Variants in EFNB2 observed in about 807,000 individuals in gnomAD.
EFNB2 encodes ephrin-B2.
In EFNB2, 5 loss-of-function variants were observed where a neutral mutation model predicts 32.1. That is an observed-to-expected ratio of 0.16 (90% CI 0.08 to 0.33). The LOEUF is 0.33. Ranked by LOEUF, EFNB2 falls within the 10% of genes least tolerant of loss-of-function variation. EFNB2 has a pLI of 1.00. For synonymous variants in EFNB2, 168 were observed against 166.5 expected (o/e 1.01, Z -0.07); for missense variants, 263 against 422.6 (o/e 0.62, Z 3.31).
In EFNB2 at chr13:106,494,999, A is replaced by G; in HGVS notation, c.500-5T>C. 2 of 1,611,178 alleles carry G rather than the reference A, an allele frequency of 1.2e-6. No homozygotes were observed. Among genetic ancestry groups the G allele is most frequent in the Non-Finnish European group, 1.7e-6 (2 of 1,177,316 alleles). ...TTGATCCAGCAGAACTTGCATCTATATGAAAAACAAATGATTAATTACGGC... is the reference window on the plus strand; with the variant it reads ...TTGATCCAGCAGAACTTGCATCTATGTGAAAAACAAATGATTAATTACGGC... On this transcript the variant is annotated splice_polypyrimidine_tract_variant and splice_region_variant and intron_variant, in intron 3 of 4. Coordinates refer to ENST00000646441, the MANE Select transcript of EFNB2 (RefSeq NM_004093.4).
intron 2 of EFNB2, among the ~76,000 whole-genome samples, chr13:106,501,828 G>A (rs1433969397): frequency 2.6e-5 from 4 of 152,068 alleles, no homozygotes; most frequent in South Asian, 2.1e-4. Flanking sequence ...TCCTGACCTC[G>A]TGATCCGCCC....
intron 2 of EFNB2, among the ~76,000 whole-genome samples, chr13:106,502,882 T>C (rs1046499280): frequency 9.2e-5 from 14 of 152,144 alleles, no homozygotes; most frequent in Admixed American, 1.3e-4. Context: ...TGTGCGTGTC[T>C]ACATGTGTGT....
chr13:106,533,242 G>C (rs1254746223), intron 1 of EFNB2, among the ~76,000 whole-genome samples: 2 of 150,784 alleles, frequency 1.3e-5, no homozygotes, highest in Non-Finnish European at 3.0e-5. Flanking sequence ...GGCGGGCAGC[G>C]GCGCCGCGGG....
At chr13:106,517,135 C>T (rs1879340686) in intron 1 of EFNB2, 1 of 152,192 alleles carries the variant, frequency 6.6e-6, no homozygotes, top group Non-Finnish European at 1.5e-5. Context: ...CAATACACTT[C>T]TCCTATGCTG....
At chr13:106,526,684 C>T (rs1449664060) in intron 1 of EFNB2, among the ~76,000 whole-genome samples, 1 of 152,136 alleles carries the variant, frequency 6.6e-6, no homozygotes, top group African/African-American at 2.4e-5. Flanking sequence ...CACTTTCTAA[C>T]TTCTTCTGCA....
At chr13:106,511,005 A>C (rs1049411424) in intron 2 of EFNB2, among the ~76,000 whole-genome samples, 4 of 152,142 alleles carry the variant, frequency 2.6e-5, no homozygotes, top group African/African-American at 9.7e-5. Context: ...CTCAAAAATA[A>C]AATAAAATAA....
At chr13:106,495,406 A>G (rs889242410) in intron 3 of EFNB2, among the ~76,000 whole-genome samples, 13 of 152,376 alleles carry the variant, frequency 8.5e-5, no homozygotes, top group Middle Eastern at 3.4e-3. Flanking sequence ...AAAACTGCAC[A>G]AGCTTTTAGT....
In EFNB2 at chr13:106,535,092, C is replaced by G; in HGVS notation, c.-128G>C. ...CGTGCGCCCGCAGGCAGCTCCGAGG[C>G]GCGCTGCGCAGCTCCAGCGGTCGCC... is the stretch of plus-strand genomic sequence containing the variant. On this transcript the variant is annotated 5_prime_UTR_variant, in exon 1 of 5. Coordinates refer to ENST00000646441, the MANE Select transcript of EFNB2 (RefSeq NM_004093.4). The G allele has an allele frequency of 2.3e-6, 3 of 1,326,640 alleles. No homozygotes were observed. Among genetic ancestry groups the G allele is most frequent in the Non-Finnish European group, 3.0e-6 (3 of 1,001,440 alleles). The allele number at this position is 1,326,640 out of a possible 1,614,324, so 82.2% of individuals were successfully genotyped here.
chr13:106,499,602 C>A (rs1878705323), intron 2 of EFNB2, among the ~76,000 whole-genome samples: 1 of 152,074 alleles, frequency 6.6e-6, no homozygotes, highest in African/African-American at 2.4e-5. Context: ...AATGCAGCCA[C>A]AATCATAGTA....
chr13:106,535,067 C>A lies in EFNB2; in HGVS notation c.-103G>T. Reference sequence around the variant, plus strand: ...CGGGGCAGACTGGCGGGGAAGACGGCGTGCGCCCGCAGGCAGCTCCGAGGC... The same window carrying A: ...CGGGGCAGACTGGCGGGGAAGACGGAGTGCGCCCGCAGGCAGCTCCGAGGC... On this transcript the variant is annotated 5_prime_UTR_variant, in exon 1 of 5. Transcript: ENST00000646441. The A allele has an allele frequency of 3.4e-6, 5 of 1,491,262 alleles. No individual in the cohort carries two copies. The highest frequency in any genetic ancestry group is 4.5e-6 in the Non-Finnish European group (5 of 1,117,396). The allele number at this position is 1,491,262 out of a possible 1,614,324, so 92.4% of individuals were successfully genotyped here. A position where few individuals can be genotyped will look rare whatever the true frequency, so the allele number is the denominator to read the frequency against.
intron 1 of EFNB2, among the ~76,000 whole-genome samples, chr13:106,522,701 A>G (rs1594175719): frequency 6.6e-6 from 1 of 152,036 alleles, no homozygotes; most frequent in East Asian, 1.9e-4. Context: ...TTTTAACTAC[A>G]AAGAATTTTG....
chr13:106,513,508 T>C lies in EFNB2; in HGVS notation c.123-696A>G, dbSNP rs551569680. On this transcript the variant is annotated intron_variant, in intron 1 of 4. Coordinates refer to ENST00000646441, the MANE Select transcript of EFNB2 (RefSeq NM_004093.4). ...TACTGTCCCTGCCCTATAAATCTTT[T>C]TTTTTCTTCCCTTGAGATGTATTTG... Among the ~76,000 whole-genome samples the C allele has an allele frequency of 1.4e-4, 22 of 152,316 alleles. No individual in the cohort carries two copies. In the South Asian group the frequency reaches 4.6e-3, roughly 32 times the overall value.
intron 1 of EFNB2, among the ~76,000 whole-genome samples, chr13:106,523,075 T>C (rs1313857833): frequency 6.6e-6 from 1 of 152,172 alleles, no homozygotes; most frequent in Non-Finnish European, 1.5e-5. Context: ...ACCTCCTTCC[T>C]GGGCTTCAGA....
intron 1 of EFNB2, among the ~76,000 whole-genome samples, chr13:106,530,276 AAGGGGGG>A (rs1303154055): frequency 1.3e-5 from 2 of 152,112 alleles, no homozygotes; most frequent in Non-Finnish European, 2.9e-5. Flanking sequence ...CCTTAAAAAG[AAGGGGGG>A]AGCTGTTCCC....
intron 2 of EFNB2, among the ~76,000 whole-genome samples, chr13:106,501,624 G>T (rs575424387): frequency 1.3e-5 from 2 of 148,994 alleles, no homozygotes. Context: ...ACGGAGTCTC[G>T]CTCTGTCACC....
chr13:106,495,481 A>G (rs1878556266), intron 3 of EFNB2, among the ~76,000 whole-genome samples: 1 of 141,768 alleles, frequency 7.1e-6, no homozygotes. Flanking sequence ...ATATCTATCT[A>G]TCTATCTATC....
At chr13:106,500,568 G>A (rs1268583488) in intron 2 of EFNB2, among the ~76,000 whole-genome samples, 1 of 152,170 alleles carries the variant, frequency 6.6e-6, no homozygotes, top group East Asian at 1.9e-4. Flanking sequence ...GACATGATAA[G>A]CATCCAGGGT....
chr13:106,533,745 T>C (rs1337860959), intron 1 of EFNB2, among the ~76,000 whole-genome samples: 1 of 152,150 alleles, frequency 6.6e-6, no homozygotes, highest in Non-Finnish European at 1.5e-5. Flanking sequence ...TCAAACGTTT[T>C]CTCCAGAAAC....
In EFNB2 at chr13:106,522,588, G is replaced by A. The variant is rs1054236197; in HGVS notation, c.123-9776C>T. Among the ~76,000 whole-genome samples, 73 of 152,340 alleles carry A rather than the reference G, an allele frequency of 4.8e-4. 1 individual carries two copies. Among genetic ancestry groups the A allele is most frequent in the Non-Finnish European group, 5.9e-5 (4 of 68,036 alleles). Reference sequence around the variant, plus strand: ...AAAAAACTCAAAGAAATGGAATTCAGCTACAGTGACAAGCATAACAATACT... The same window carrying A: ...AAAAAACTCAAAGAAATGGAATTCAACTACAGTGACAAGCATAACAATACT... On this transcript the variant is annotated intron_variant, in intron 1 of 4. Transcript: ENST00000646441.
Sources: gnomAD v4.1 joint callset for allele counts (sites outside exome capture counted in the v4.1 genomes callset) on GRCh38, gnomAD v4.1.1 for gene constraint, MANE v1.5 for transcripts, NCBI Gene and HGNC (gene_info 2026-07-23, HGNC 2026-07-21) for gene names.